HS2ST1: variants seen among roughly 807,000 people sequenced by gnomAD.
HS2ST1 encodes heparan sulfate 2-O-sulfotransferase 1.
Under a neutral mutation model 42.9 loss-of-function variants are expected in HS2ST1, and 18 were observed. The ratio of observed to expected loss-of-function variants is 0.42; its 90% CI spans 0.29 to 0.62. The LOEUF (loss-of-function observed/expected upper bound fraction) is 0.62, where lower values mean the gene tolerates loss of function less well. Among genes scored for constraint, HS2ST1 ranks in the 20% least tolerant of loss-of-function variants. The pLI is 0.21. For synonymous variants in HS2ST1, 146 were observed against 152.9 expected (o/e 0.95, Z 0.33); for missense variants, 334 against 433.8 (o/e 0.77, Z 2.04).
chr1:86,916,706 C>T (rs905171796), intron 1 of HS2ST1, among the ~76,000 whole-genome samples: 2 of 151,972 alleles, frequency 1.3e-5, no homozygotes, highest in Non-Finnish European at 1.5e-5. Context: ...CTTTTGGATC[C>T]ATTTAGCGAC....
intron 2 of HS2ST1, among the ~76,000 whole-genome samples, chr1:87,074,934 C>T (rs1029133115): frequency 2.0e-5 from 3 of 151,862 alleles, no homozygotes; most frequent in South Asian, 2.1e-4. Context: ...TCTATGTAGA[C>T]GCAGTTCTTC....
chr1:86,933,700 CT>C (rs1208502455), intron 1 of HS2ST1, among the ~76,000 whole-genome samples: 4 of 141,024 alleles, frequency 2.8e-5, no homozygotes, highest in African/African-American at 8.2e-5. Flanking sequence ...TTTAGCATGC[CT>C]TGTAATTTTT....
intron 1 of HS2ST1, among the ~76,000 whole-genome samples, chr1:86,994,058 A>C (rs756540024): frequency 3.3e-5 from 5 of 152,184 alleles, no homozygotes; most frequent in Non-Finnish European, 7.3e-5. Context: ...CCAGATACTT[A>C]ACAGTTTATA....
At chr1:86,935,357 A>T (rs138410308) in intron 1 of HS2ST1, among the ~76,000 whole-genome samples, 212 of 150,232 alleles carry the variant, frequency 1.4e-3, no homozygotes, top group African/African-American at 5.1e-3. Context: ...AATTAGAATG[A>T]TAGTGTTATG....
Position 87,048,056 on chromosome 1 carries a change from A to G in HS2ST1, c.125-24878A>G, listed in dbSNP as rs575771580. On this transcript the variant is annotated intron_variant, in intron 1 of 6. Transcript: ENST00000370550. ...ACATCTTAACAGTAGTCTTTCAATC[A>G]TGAATGTGGCATATCTATTTAGATC... Among the ~76,000 whole-genome samples, 3 of 152,276 alleles carry G rather than the reference A, an allele frequency of 2.0e-5. No individual in the cohort carries two copies. In the East Asian group the frequency reaches 5.8e-4, roughly 29 times the overall value.
rs779775788 is a variant in HS2ST1, at chr1:86,915,093, C to T, written c.57C>T (p.Ala19=). The change falls in exon 1 of 7, where the codon GCC becomes GCT. Residue 19 remains alanine, a synonymous_variant. Coordinates refer to ENST00000370550, the MANE Select transcript of HS2ST1 (RefSeq NM_012262.4). ...AGTTGCAGCTGCTGGCGGTGGTGGCCTTCGCGGTGGCGATGCTCTTCTTGG... is the reference window on the plus strand; with the variant it reads ...AGTTGCAGCTGCTGGCGGTGGTGGCTTTCGCGGTGGCGATGCTCTTCTTGG... The part of the protein sequence containing the change: ...PPKLQLLAVV[A]FAVAMLFLEN... The T allele has an allele frequency of 4.3e-6, 7 of 1,614,174 alleles. No homozygotes were observed. The highest frequency in any genetic ancestry group is 4.2e-6 in the Non-Finnish European group (5 of 1,180,012).
chr1:87,046,156 G>T, intron 1 of HS2ST1: 1 of 747,360 alleles, frequency 1.3e-6, no homozygotes, highest in Admixed American at 1.8e-5. Flanking sequence ...GCCCAAAACC[G>T]TGTTAATAGA....
At chr1:86,938,637 A>C (rs1028151503) in intron 1 of HS2ST1, among the ~76,000 whole-genome samples, 1 of 152,122 alleles carries the variant, frequency 6.6e-6, no homozygotes, top group Non-Finnish European at 1.5e-5. Flanking sequence ...AAAAAGAAAA[A>C]ATCAATAAGT....
intron 1 of HS2ST1, among the ~76,000 whole-genome samples, chr1:87,018,153 CACACACACACAG>C (rs1649817656): frequency 6.6e-6 from 1 of 151,256 alleles, no homozygotes; most frequent in African/African-American, 2.4e-5. Flanking sequence ...CACACACACA[CACACACACACAG>C]ACACACACAC....
intron 1 of HS2ST1, among the ~76,000 whole-genome samples, chr1:86,978,595 T>C (rs910459322): frequency 6.6e-6 from 1 of 152,202 alleles, no homozygotes; most frequent in Non-Finnish European, 1.5e-5. Flanking sequence ...CAGATGATAC[T>C]GTGGTTAAAC....
chr1:87,020,073 G>C (rs558418910), intron 1 of HS2ST1, among the ~76,000 whole-genome samples: 1 of 152,310 alleles, frequency 6.6e-6, no homozygotes, highest in South Asian at 2.1e-4. Context: ...ATGACTTTGG[G>C]AGTAGAGCTG....
At chr1:86,932,157 A>G (rs1557483950) in intron 1 of HS2ST1, 1 of 152,164 alleles carries the variant, frequency 6.6e-6, no homozygotes, top group African/African-American at 2.4e-5. Context: ...TTGTTAGACT[A>G]ACATTAAGGG....
At chr1:87,104,435 A>G (rs755167932) in intron 6 of HS2ST1, 35 bp from the exon 7 acceptor site, 7 of 1,360,018 alleles carry the variant, frequency 5.1e-6, no homozygotes, top group Non-Finnish European at 7.3e-6. Context: ...TCCAAGAATT[A>G]TTTACCTTTC....
chr1:86,988,407 TC>T (rs1207172764), intron 1 of HS2ST1, among the ~76,000 whole-genome samples: 2 of 152,242 alleles, frequency 1.3e-5, no homozygotes, highest in East Asian at 3.8e-4. Context: ...ACCTGACTGT[TC>T]CCATACAGAG....
At position 87,052,112 on chromosome 1, in the gene HS2ST1, G is replaced by C. The variant is rs562748172; in HGVS notation, c.125-20822G>C. Reference sequence around the variant, plus strand: ...TACAAAAAATACAAAAATTAGCCAGGCATGATAGCGCACACCTGTAGTCCC... The same window carrying C: ...TACAAAAAATACAAAAATTAGCCAGCCATGATAGCGCACACCTGTAGTCCC... On this transcript the variant is annotated intron_variant, in intron 1 of 6. Coordinates refer to ENST00000370550, the MANE Select transcript of HS2ST1 (RefSeq NM_012262.4). Among the ~76,000 whole-genome samples, 10 of 152,194 alleles carry C rather than the reference G, an allele frequency of 6.6e-5. No individual in the cohort carries two copies. The East Asian group carries it at 1.9e-3, about 29-fold the overall frequency.
intron 1 of HS2ST1, chr1:87,045,629 T>A: frequency 1.3e-6 from 1 of 775,956 alleles, no homozygotes; most frequent in Non-Finnish European, 2.4e-6. Context: ...CTATTTTTCC[T>A]GATAAGATCT....
intron 1 of HS2ST1, among the ~76,000 whole-genome samples, chr1:87,033,350 A>G (rs896840937): frequency 2.6e-5 from 4 of 152,236 alleles, no homozygotes; most frequent in African/African-American, 9.6e-5. Flanking sequence ...TTAGGTAATG[A>G]GGAATCTTTG....
At chr1:87,069,501 AT>A (rs1292228955) in intron 1 of HS2ST1, among the ~76,000 whole-genome samples, 2 of 152,222 alleles carry the variant, frequency 1.3e-5, no homozygotes, top group African/African-American at 2.4e-5. Flanking sequence ...GAAAACACTG[AT>A]TGATTTTAAG....
At chr1:87,040,499 G>C (rs1158367320) in intron 1 of HS2ST1, among the ~76,000 whole-genome samples, 5 of 152,108 alleles carry the variant, frequency 3.3e-5, no homozygotes, top group African/African-American at 4.8e-5. Flanking sequence ...GTTTTGCAGG[G>C]AGCTTGTGGT....
Sources: allele counts gnomAD v4.1 joint callset (sites outside exome capture counted in the v4.1 genomes callset), GRCh38; gene constraint gnomAD v4.1.1; transcripts MANE v1.5; gene names NCBI Gene and HGNC (gene_info 2026-07-23, HGNC 2026-07-21).